Variants in SLIT3 observed in about 807,000 individuals in gnomAD.
SLIT3 encodes the protein slit guidance ligand 3, also known as slit homolog 3 protein.
A neutral mutation model predicts 184.0 loss-of-function variants in SLIT3; 68 were observed. The observed-to-expected ratio is 0.37, with a 90% CI of 0.30 to 0.45. The LOEUF is 0.45. Among genes scored for constraint, SLIT3 ranks in the 20% least tolerant of loss-of-function variants. SLIT3 has a pLI of 1.00. For synonymous variants in SLIT3, 831 were observed against 828.6 expected (o/e 1.00, Z -0.05); for missense variants, 1,707 against 2,026.0 (o/e 0.84, Z 3.02).
intron 5 of SLIT3, among the ~76,000 whole-genome samples, chr5:168,874,923 CT>C (rs1047809571): frequency 9.2e-5 from 14 of 152,224 alleles, no homozygotes; most frequent in African/African-American, 3.4e-4. Flanking sequence ...ATGTCTCCCC[CT>C]GTAGACAAAA....
rs966536172 is a variant in SLIT3, at chr5:169,147,628, G to A, written c.413+45851C>T. Among the ~76,000 whole-genome samples, 6 of 152,190 alleles carry A rather than the reference G, an allele frequency of 3.9e-5. 1 individual carries two copies. Among genetic ancestry groups the A allele is most frequent in the Non-Finnish European group, 2.9e-5 (2 of 68,032 alleles). On this transcript the variant is annotated intron_variant, in intron 4 of 35. Transcript: ENST00000519560. ...ACGAGGTTAGGTGGTTTTATCCTTA[G>A]TATTGACTTGCAAGTATTTATCTTT...
chr5:169,165,557 C>T (rs747068054), intron 4 of SLIT3, among the ~76,000 whole-genome samples: 24 of 152,324 alleles, frequency 1.6e-4, no homozygotes, highest in Admixed American at 3.3e-4. Flanking sequence ...TATTTTTTCA[C>T]GGATTCATTC....
At chr5:169,078,099 C>T (rs1758817370) in intron 4 of SLIT3, among the ~76,000 whole-genome samples, 1 of 152,126 alleles carries the variant, frequency 6.6e-6, no homozygotes, top group South Asian at 2.1e-4. Context: ...CATTTTGCTT[C>T]ACCCACAGGG....
intron 4 of SLIT3, among the ~76,000 whole-genome samples, chr5:169,007,496 G>C (rs181161544): frequency 6.6e-6 from 1 of 152,218 alleles, no homozygotes; most frequent in Non-Finnish European, 1.5e-5. Flanking sequence ...GTTAAAATAA[G>C]ATTAGGTTGA....
chr5:168,993,204 A>C (rs1387280571), intron 4 of SLIT3: 1 of 152,216 alleles, frequency 6.6e-6, no homozygotes, highest in Non-Finnish European at 1.5e-5. Context: ...TAAGAGACTG[A>C]GGAATCCCGA....
chr5:168,774,519 G>A lies in SLIT3; in HGVS notation c.1152-141C>T, dbSNP rs945304695. 5.6e-6 allele frequency: 5 copies of A among 897,076 alleles called. No homozygotes were observed. In the African/African-American group the frequency reaches 8.4e-5, roughly 15 times the overall value. The allele number at this position is 897,076 out of a possible 1,614,324, so 55.6% of individuals were successfully genotyped here. On this transcript the variant is annotated intron_variant, in intron 12 of 35. Coordinates refer to ENST00000519560, the MANE Select transcript of SLIT3 (RefSeq NM_003062.4). Reference sequence around the variant, plus strand: ...GAGCTCCTGCTGCAGAACAGAAAAAGAGAGAGACCTGCCTTCCTGTGTCTA... The same window carrying A: ...GAGCTCCTGCTGCAGAACAGAAAAAAAGAGAGACCTGCCTTCCTGTGTCTA...
In SLIT3 at chr5:169,170,722, T is replaced by C. The variant is rs556913374; in HGVS notation, c.413+22757A>G. Among the ~76,000 whole-genome samples, 25 of 152,144 alleles carry C rather than the reference T, an allele frequency of 1.6e-4. 1 individual carries two copies. In the South Asian group the frequency reaches 4.8e-3, roughly 29 times the overall value. ...TATAAAATCTCTCCAGTTTTAAATA[T>C]AGTCAGCTCATTTTTAAAAAATGGT... is the stretch of plus-strand genomic sequence containing the variant. On this transcript the variant is annotated intron_variant, in intron 4 of 35. Transcript: ENST00000519560.
chr5:168,823,483 C>A, intron 6 of SLIT3, 152 bp from the exon 7 acceptor site: 2 of 725,912 alleles, frequency 2.8e-6, no homozygotes, highest in Non-Finnish European at 5.1e-6. Context: ...GACAAGTGGA[C>A]AGGTCTCCAG....
At chr5:168,753,190 G>T in intron 17 of SLIT3, 92 bp from the exon 18 acceptor site, 1 of 1,384,436 alleles carries the variant, frequency 7.2e-7, no homozygotes, top group Non-Finnish European at 9.9e-7. Flanking sequence ...GTATAGGTGA[G>T]ATGCTTTTGC....
intron 3 of SLIT3, among the ~76,000 whole-genome samples, chr5:169,215,491 G>A (rs1764405791): frequency 1.4e-5 from 2 of 143,734 alleles, no homozygotes; most frequent in Admixed American, 1.5e-4. Flanking sequence ...TAATTACTCT[G>A]GGCTTTGTAG....
chr5:169,120,675 C>T (rs1399078449), intron 4 of SLIT3, among the ~76,000 whole-genome samples: 3 of 152,168 alleles, frequency 2.0e-5, no homozygotes, highest in Non-Finnish European at 2.9e-5. Flanking sequence ...GAAACGAATA[C>T]ACCAAGTGAT....
At chr5:168,856,033 T>C (rs1758851315) in intron 5 of SLIT3, among the ~76,000 whole-genome samples, 1 of 152,158 alleles carries the variant, frequency 6.6e-6, no homozygotes, top group East Asian at 1.9e-4. Flanking sequence ...CGCTTGAACC[T>C]CGGAGGCAGA....
intron 4 of SLIT3, among the ~76,000 whole-genome samples, chr5:169,068,094 A>T (rs1393723899): frequency 6.6e-6 from 1 of 152,182 alleles, no homozygotes; most frequent in African/African-American, 2.4e-5. Context: ...AAACTAGTGA[A>T]CTGTGCAGCT....
At position 168,875,583 on chromosome 5, in the gene SLIT3, G is replaced by A. The variant is rs543087717; in HGVS notation, c.485+7682C>T. ...CAGGAGGCGGAGGTTGCAGTGAGCC[G>A]AGATTGCGCCACTGCACCCCGGCCT... On this transcript the variant is annotated intron_variant, in intron 5 of 35. Coordinates refer to ENST00000519560, the MANE Select transcript of SLIT3 (RefSeq NM_003062.4). 2.6e-5 allele frequency among the ~76,000 whole-genome samples: 4 copies of A among 151,966 alleles called. No homozygotes were observed. The East Asian group carries it at 5.8e-4, about 22-fold the overall frequency.
In SLIT3 at chr5:168,762,639, C is replaced by T. The variant is rs73802391; in HGVS notation, c.1510G>A (p.Val504Met). ...TCACAGCGACACTTCTCGGGGCACA[C>T]GAGGTCCATGAAGCACTCGCTGCTG... ...RFSSECFMDLVCPEKCRCEGT... is the reference protein window; with the variant it reads ...RFSSECFMDLMCPEKCRCEGT... Residue 504 changes from valine to methionine, a missense_variant, in exon 15 of 36, where the codon GTG becomes ATG. Coordinates refer to ENST00000519560, the MANE Select transcript of SLIT3 (RefSeq NM_003062.4). 7.2e-5 allele frequency: 117 copies of T among 1,614,122 alleles called. No individual in the cohort carries two copies. The African/African-American group carries it at 9.5e-4, about 13-fold the overall frequency.
intron 4 of SLIT3, among the ~76,000 whole-genome samples, chr5:169,161,786 C>G (rs1762487974): frequency 6.6e-6 from 1 of 151,856 alleles, no homozygotes; most frequent in African/African-American, 2.4e-5. Context: ...ACTGTGGTAG[C>G]TGAGGGTGGG....
intron 1 of SLIT3, among the ~76,000 whole-genome samples, chr5:169,263,966 C>T (rs1009580417): frequency 7.4e-5 from 11 of 147,772 alleles, no homozygotes; most frequent in African/African-American, 2.5e-4. Context: ...GGTGGAGAAA[C>T]GGGGTTTTTT....
chr5:169,018,235 T>C (rs1285936147), intron 4 of SLIT3, among the ~76,000 whole-genome samples: 3 of 152,220 alleles, frequency 2.0e-5, no homozygotes, highest in Non-Finnish European at 4.4e-5. Flanking sequence ...GATTCCTATC[T>C]ACACTGAAGT....
chr5:168,962,225 T>C (rs1763036067), intron 4 of SLIT3, among the ~76,000 whole-genome samples: 2 of 151,886 alleles, frequency 1.3e-5, no homozygotes, highest in African/African-American at 2.4e-5. Context: ...AGCTTCCAGA[T>C]GTGGAGAGCA....
Sources: allele counts gnomAD v4.1 joint callset (sites outside exome capture counted in the v4.1 genomes callset), GRCh38; gene constraint gnomAD v4.1.1; transcripts MANE v1.5; gene names NCBI Gene and HGNC (gene_info 2026-07-23, HGNC 2026-07-21).